The following SLC5A6 variants were observed in gnomAD, a reference collection of about 807,000 sequenced individuals.
SLC5A6 encodes sodium-dependent multivitamin transporter.
In SLC5A6, 31 loss-of-function variants were observed where a neutral mutation model predicts 67.9. The observed-to-expected ratio is 0.46, with a 90% CI of 0.34 to 0.62. The LOEUF is 0.62. Among genes scored for constraint, SLC5A6 ranks in the 20% least tolerant of loss-of-function variants. The probability of loss-of-function intolerance (pLI) is 0.01; values close to 1 mark genes in which losing one functional copy is unlikely to be tolerated. For synonymous variants in SLC5A6, 343 were observed against 331.0 expected (o/e 1.04, Z -0.39); for missense variants, 673 against 812.8 (o/e 0.83, Z 2.09).
rs766916292 is a variant in SLC5A6 at position 27,201,866 on chromosome 2, G to A, written c.1363-19C>T. ...CAGCACCCTGCCGAGACACAGTGCAGGCCTGTCACAAGGCCAGTCCTGCCA... is the reference window on the plus strand; with the variant it reads ...CAGCACCCTGCCGAGACACAGTGCAAGCCTGTCACAAGGCCAGTCCTGCCA... On this transcript the variant is annotated intron_variant, in intron 13 of 16. Transcript: ENST00000310574. 6.8e-5 allele frequency: 109 copies of A among 1,613,034 alleles called. No individual in the cohort carries two copies. The highest frequency in any genetic ancestry group is 2.2e-5 in the Non-Finnish European group (26 of 1,179,226).
chr2:27,212,506 G>A (rs11608), upstream of SLC5A6: 1,028,895 of 1,529,380 alleles, frequency 0.67, 356,458 homozygotes, highest in East Asian at 0.88. Flanking sequence ...AAGCAGGGTC[G>A]CTGGCCAGCC....
chr2:27,210,787 G>C (rs1674425295), intron 2 of SLC5A6, among the ~76,000 whole-genome samples: 1 of 152,002 alleles, frequency 6.6e-6, no homozygotes, highest in Admixed American at 6.5e-5. Flanking sequence ...ACTTTGGGAG[G>C]CCGAGGCGGG....
chr2:27,202,927 C>G (rs778980934), intron 11 of SLC5A6, 47 bp from the exon 12 acceptor site: 1 of 1,607,528 alleles, frequency 6.2e-7, no homozygotes, highest in Admixed American at 1.7e-5. Context: ...TGAGTTAACA[C>G]AAGCAATGGG....
At position 27,203,306 on chromosome 2, in the gene SLC5A6, C is replaced by T. The variant is rs138663654; in HGVS notation, c.1134G>A (p.Thr378=). The T allele has an allele frequency of 1.6e-3, 2,582 of 1,614,052 alleles. 4 individuals are homozygous for T. The highest frequency in any genetic ancestry group is 3.3e-3 in the Middle Eastern group (20 of 6,062). Residue 378 remains threonine, a synonymous_variant, in exon 11 of 17, where the codon ACG becomes ACA. Coordinates refer to ENST00000310574, the MANE Select transcript of SLC5A6 (RefSeq NM_021095.4). ...ACCAAGGTCGAATCAGGTCTTCCAT[C>T]GTAACAGTTGCCAATGAATTAAAAG... The part of the protein sequence containing the change: ...SSAFNSLATV[T]MEDLIRPWFP...
At position 27,201,590 on chromosome 2, in the gene SLC5A6, T is replaced by C. The variant is rs1212122871; in HGVS notation, c.1544+76A>G. On this transcript the variant is annotated intron_variant, in intron 14 of 16. Transcript: ENST00000310574. ...TTTCCCTGGGGCCTCTGGTGGCCCA[T>C]CCCTTAGCAAGACCCCTGTGAAAGC... 2.0e-6 allele frequency: 3 copies of C among 1,478,616 alleles called. No homozygotes were observed. The East Asian group carries it at 6.8e-5, about 34-fold the overall frequency. 91.6% of individuals were successfully genotyped at this position (1,478,616 alleles called of 1,614,324 possible). A position where few individuals can be genotyped will look rare whatever the true frequency, so the allele number is the denominator to read the frequency against.
At chr2:27,206,121 C>T (rs1337279263) in intron 5 of SLC5A6, 28 bp from the exon 6 acceptor site, 6 of 1,611,920 alleles carry the variant, frequency 3.7e-6, no homozygotes, top group Middle Eastern at 1.6e-4. Flanking sequence ...ACATTCTTAT[C>T]CCTGGAAAAG....
At position 27,204,854 on chromosome 2, in the gene SLC5A6, T is replaced by C. The variant is rs1193967228; in HGVS notation, c.812A>G (p.Tyr271Cys). The change falls in exon 8 of 17, where the codon TAC (tyrosine) becomes TGC (cysteine). Residue 271 changes from tyrosine to cysteine, a missense_variant. Transcript: ENST00000310574. The stretch of plus-strand genomic sequence containing the variant: ...CTGCACCTGAGCCTGGTTCACCCCG[T>C]ATAAGGAGAGCATCATGAAGACACC... ...FGGVFMMLSL[Y>C]GVNQAQVQRY... 6.2e-7 allele frequency: 1 copy of C among 1,614,014 alleles called. No individual in the cohort carries two copies. The highest frequency in any genetic ancestry group is 8.5e-7 in the Non-Finnish European group (1 of 1,179,974).
rs948882838 is a variant in SLC5A6, at chr2:27,207,108, C to T, written c.393+150G>A. The T allele has an allele frequency of 1.9e-5, 20 of 1,059,344 alleles. No individual in the cohort carries two copies. Among genetic ancestry groups the T allele is most frequent in the Non-Finnish European group, 2.8e-5 (20 of 704,378 alleles). The allele number at this position is 1,059,344 out of a possible 1,614,324, so 65.6% of individuals were successfully genotyped here. A position where few individuals can be genotyped will look rare whatever the true frequency, so the allele number is the denominator to read the frequency against. On this transcript the variant is annotated intron_variant, in intron 3 of 16. Transcript: ENST00000310574. This position sits in a 1 kb window ranked among gnomAD's most constrained non-coding sequence, Gnocchi z 5.5. ...CCAATCCTGCCCCTATACCTAACAT[C>T]ACTGAGAAAGAATTATAAACACACA...
At chr2:27,202,132 C>A in intron 12 of SLC5A6, 58 bp from the exon 13 acceptor site, 1 of 1,246,292 alleles carries the variant, frequency 8.0e-7, no homozygotes, top group Admixed American at 1.8e-5. Context: ...GATGCCCAGA[C>A]TCACCATAAA....
chr2:27,203,458 A>C lies in SLC5A6; in HGVS notation c.1095-113T>G, dbSNP rs1673806605. On this transcript the variant is annotated intron_variant, in intron 10 of 16. Coordinates refer to ENST00000310574, the MANE Select transcript of SLC5A6 (RefSeq NM_021095.4). Reference sequence around the variant, plus strand: ...GGGAGATGACAGGTACCACCAAGAAACCTCCTCATAGTTGGACTTGATGCC... The same window carrying C: ...GGGAGATGACAGGTACCACCAAGAACCCTCCTCATAGTTGGACTTGATGCC... The C allele has an allele frequency of 9.9e-6, 9 of 907,910 alleles. No homozygotes were observed. The Admixed American group carries it at 1.2e-4, about 12-fold the overall frequency. The allele number at this position is 907,910 out of a possible 1,614,324, so 56.2% of individuals were successfully genotyped here.
chr2:27,201,352 G>T lies in SLC5A6; in HGVS notation c.1646C>A (p.Thr549Asn). Reference protein sequence around the residue: ...IVVGLIVSLLTGRMRGRSLNP... With the variant: ...IVVGLIVSLLNGRMRGRSLNP... Reference sequence around the variant, plus strand: ...GCACCGCAATCCCACACCCTTACCAGTGAGTAGACTGACAATCAGGCCCAC... The same window carrying T: ...GCACCGCAATCCCACACCCTTACCATTGAGTAGACTGACAATCAGGCCCAC... Residue 549 changes from threonine to asparagine, a missense_variant and splice_region_variant, in exon 15 of 17, where the codon ACT (threonine) becomes AAT (asparagine). Transcript: ENST00000310574. 6.3e-7 allele frequency: 1 copy of T among 1,598,306 alleles called. No homozygotes were observed. Among genetic ancestry groups the T allele is most frequent in the Non-Finnish European group, 8.6e-7 (1 of 1,165,576 alleles).
At position 27,207,386 on chromosome 2, in the gene SLC5A6, G is replaced by A; in HGVS notation, c.265C>T (p.Pro89Ser). Residue 89 changes from proline to serine, a missense_variant, in exon 3 of 17, where the codon CCG becomes TCG. Pro to Ser is a moderately conservative substitution (Grantham distance 74, BLOSUM62 -1). Transcript: ENST00000310574. This position sits in a 1 kb window ranked among gnomAD's most constrained non-coding sequence, Gnocchi z 5.5. ...GTCCCAAATCGGTAGATCTCTGACG[G>A]CACACCCAGGATGGCCACGGCTGAC... The part of the protein sequence containing the change: ...FQSAVAILGV[P>S]SEIYRFGTQY... The A allele has an allele frequency of 6.2e-7, 1 of 1,614,124 alleles. No individual in the cohort carries two copies. Among genetic ancestry groups the A allele is most frequent in the South Asian group, 1.1e-5 (1 of 91,082 alleles).
intron 7 of SLC5A6, 60 bp from the exon 8 acceptor site, chr2:27,204,991 C>G: frequency 6.3e-7 from 1 of 1,596,028 alleles, no homozygotes; most frequent in African/African-American, 1.3e-5. Context: ...TTCCTGCCCT[C>G]TTGGCAACAG....
Position 27,203,224 on chromosome 2 carries a change from T to C in SLC5A6, c.1207+9A>G. On this transcript the variant is annotated intron_variant, in intron 11 of 16. Transcript: ENST00000310574. ...CCCAGACTGAAGAGATGAGGAAGCA[T>C]AACCCCACCAAGGCCTCTGGAAAGC... 6.2e-7 allele frequency: 1 copy of C among 1,614,116 alleles called. No individual in the cohort carries two copies. Among genetic ancestry groups the C allele is most frequent in the South Asian group, 1.1e-5 (1 of 91,078 alleles).
chr2:27,200,661 G>A (rs1403085307), intron 16 of SLC5A6, 82 bp from the exon 17 acceptor site: 25 of 1,438,634 alleles, frequency 1.7e-5, no homozygotes, highest in South Asian at 3.9e-5. Flanking sequence ...AAAGGTCCCC[G>A]CCAGAAGGGA....
chr2:27,200,920 G>C (rs1673575453), intron 16 of SLC5A6, 78 bp downstream of exon 16: 3 of 931,776 alleles, frequency 3.2e-6, no homozygotes, highest in Non-Finnish European at 5.1e-6. Flanking sequence ...GGAGAGAAAA[G>C]GGGTAGAAGG....
chr2:27,203,252 G>A lies in SLC5A6; in HGVS notation c.1188C>T (p.Ile396=). The change falls in exon 11 of 17, where the codon ATC becomes ATT. Residue 396 remains isoleucine, a synonymous_variant. Transcript: ENST00000310574. ...CCCCACCAAGGCCTCTGGAAAGCAT[G>A]ATGGCCCGGGCTTCAGAGAACTCAG... is the stretch of plus-strand genomic sequence containing the variant. ...WFPEFSEARA[I]MLSRGLAFGY... 1 of 1,614,158 alleles carries A rather than the reference G, an allele frequency of 6.2e-7. No individual in the cohort carries two copies. Among genetic ancestry groups the A allele is most frequent in the Non-Finnish European group, 8.5e-7 (1 of 1,180,018 alleles).
rs768166971 is a variant in SLC5A6 at position 27,212,252 on chromosome 2, C to G, written c.-440G>C. 3.8e-6 allele frequency: 6 copies of G among 1,560,384 alleles called. No homozygotes were observed. The highest frequency in any genetic ancestry group is 4.3e-6 in the Non-Finnish European group (5 of 1,152,684). On this transcript the variant is annotated 5_prime_UTR_variant, in exon 1 of 17. Coordinates refer to ENST00000310574, the MANE Select transcript of SLC5A6 (RefSeq NM_021095.4). ...CGAGCAGGAAAAGCCCCCAAGCAGC[C>G]CCAGGGCGACTGGACCGGGCCGCTT...
chr2:27,200,626 G>A (rs182900707), intron 16 of SLC5A6, 47 bp from the exon 17 acceptor site: 34 of 1,574,826 alleles, frequency 2.2e-5, no homozygotes, highest in African/African-American at 6.8e-5. Flanking sequence ...GACGGATGAC[G>A]GGTGCTTGAC....
Sources: gnomAD v4.1 joint callset for allele counts (sites outside exome capture counted in the v4.1 genomes callset) on GRCh38, gnomAD v4.1.1 for gene constraint, Gnocchi (gnomAD v3.1) non-coding constraint, MANE v1.5 for transcripts, NCBI Gene and HGNC (gene_info 2026-07-23, HGNC 2026-07-21) for gene names.